Variants in SUGCT observed in about 807,000 individuals in gnomAD.
SUGCT encodes succinyl-CoA:glutarate-CoA transferase.
A neutral mutation model predicts 55.0 loss-of-function variants in SUGCT; 41 were observed. The ratio of observed to expected loss-of-function variants is 0.74; its 90% CI spans 0.58 to 0.97. The LOEUF is 0.97. Among genes scored for constraint, SUGCT ranks in the 50% least tolerant of loss-of-function variants. The pLI is 0.00. For missense variants in SUGCT, 568 were observed against 547.8 expected, an observed-to-expected ratio of 1.04 and a Z score of -0.37; for synonymous variants, 187 against 200.4, an observed-to-expected ratio of 0.93 and a Z score of 0.56.
chr7:40,455,319 G>A (rs747438216), intron 10 of SUGCT, among the ~76,000 whole-genome samples: 17 of 151,990 alleles, frequency 1.1e-4, no homozygotes, highest in Non-Finnish European at 1.9e-4. Flanking sequence ...ACAGAAAAAA[G>A]AATAAACTGA....
At chr7:40,412,961 T>G (rs1786775323) in intron 9 of SUGCT, among the ~76,000 whole-genome samples, 1 of 152,154 alleles carries the variant, frequency 6.6e-6, no homozygotes, top group Non-Finnish European at 1.5e-5. Flanking sequence ...TTTATTCCAT[T>G]TTGTAGGGCA....
chr7:40,185,428 G>A (rs1338905321), intron 3 of SUGCT, among the ~76,000 whole-genome samples: 1 of 152,066 alleles, frequency 6.6e-6, no homozygotes, highest in Non-Finnish European at 1.5e-5. Flanking sequence ...TTCCACCATG[G>A]AAACTAAACC....
At chr7:40,657,351 T>C (rs1270504162) in intron 12 of SUGCT, among the ~76,000 whole-genome samples, 2 of 152,178 alleles carry the variant, frequency 1.3e-5, no homozygotes, top group Non-Finnish European at 2.9e-5. Context: ...ATATCTGTGC[T>C]GTATTTGAGA....
At chr7:40,983,682 C>T in the SUGCT span, among the ~76,000 whole-genome samples, 10 of 152,180 alleles carry the variant, frequency 6.6e-5, no homozygotes, top group Non-Finnish European at 1.0e-4. Context: ...GTAAACAGTG[C>T]GGTTTATCCA....
rs35170797 is a variant in SUGCT, at chr7:40,517,226, A to AT, written c.1089+20853dup. Among the ~76,000 whole-genome samples the AT allele has an allele frequency of 1.7e-3, 232 of 136,210 alleles. 1 individual carries two copies. Among genetic ancestry groups the AT allele is most frequent in the Middle Eastern group, 4.0e-3 (1 of 250 alleles). 89.4% of individuals were successfully genotyped at this position (136,210 alleles called of 152,430 possible). A position where few individuals can be genotyped will look rare whatever the true frequency, so the allele number is the denominator to read the frequency against. ...AAACTCACTTATTAGTTCCAGTAGC[A>AT]TTTTTTTTTTTTTCGATGTGAATTC... On this transcript the variant is annotated intron_variant, in intron 12 of 13. Coordinates refer to ENST00000335693, the MANE Select transcript of SUGCT (RefSeq NM_001193313.2).
the SUGCT span, among the ~76,000 whole-genome samples, chr7:40,881,614 T>C: frequency 3.9e-5 from 6 of 152,222 alleles, no homozygotes; most frequent in African/African-American, 1.4e-4. Context: ...TTAAGCCCTT[T>C]CTTAACATGA....
At position 40,321,285 on chromosome 7, in the gene SUGCT, C is replaced by A. The variant is rs1454606817; in HGVS notation, c.816+4430C>A. On this transcript the variant is annotated intron_variant, in intron 9 of 13. Coordinates refer to ENST00000335693, the MANE Select transcript of SUGCT (RefSeq NM_001193313.2). ...AGAGACAGGGTTTTGCCATGCTGGC[C>A]AGGCTGGTCTCAGACTCCTGACCTC... Among the ~76,000 whole-genome samples the A allele has an allele frequency of 2.0e-5, 3 of 152,246 alleles. No individual in the cohort carries two copies. In the East Asian group the frequency reaches 5.8e-4, roughly 29 times the overall value.
chr7:40,745,208 A>G (rs779227063), intron 12 of SUGCT, among the ~76,000 whole-genome samples: 33 of 152,220 alleles, frequency 2.2e-4, no homozygotes, highest in Non-Finnish European at 3.4e-4. Context: ...TTTGATTTTG[A>G]TATGTGTAAG....
chr7:40,516,028 TTTTCA>T (rs1223147785), intron 12 of SUGCT, among the ~76,000 whole-genome samples: 1 of 152,324 alleles, frequency 6.6e-6, no homozygotes, highest in African/African-American at 2.4e-5. Context: ...TTCTTTCTTC[TTTTCA>T]TTTCTTTTTA....
intron 8 of SUGCT, among the ~76,000 whole-genome samples, chr7:40,293,763 A>G (rs1793940893): frequency 6.6e-6 from 1 of 152,180 alleles, no homozygotes; most frequent in South Asian, 2.1e-4. Flanking sequence ...CACTAATACT[A>G]TCATTTGATA....
chr7:40,650,124 G>T (rs1800704180), intron 12 of SUGCT, among the ~76,000 whole-genome samples: 1 of 152,286 alleles, frequency 6.6e-6, no homozygotes, highest in East Asian at 1.9e-4. Flanking sequence ...TTCTGCACAG[G>T]CTCTTGGATG....
the SUGCT span, among the ~76,000 whole-genome samples, chr7:40,931,530 C>T: frequency 4.6e-5 from 7 of 152,216 alleles, no homozygotes; most frequent in Middle Eastern, 3.4e-3. Context: ...TGCTAGAATT[C>T]GGCTGTAAAT....
chr7:40,783,087 G>A (rs1366670183), intron 13 of SUGCT, among the ~76,000 whole-genome samples: 3 of 152,098 alleles, frequency 2.0e-5, no homozygotes, highest in Admixed American at 2.0e-4. Flanking sequence ...TTGAGCATAA[G>A]CTTCTTCCTG....
chr7:40,459,036 A>C, intron 10 of SUGCT, 65 bp from the exon 11 acceptor site: 1 of 1,004,568 alleles, frequency 1.0e-6, no homozygotes, highest in South Asian at 1.3e-5. Context: ...CCTGAACACT[A>C]GCACCCACAG....
At chr7:40,946,071 A>T in the SUGCT span, among the ~76,000 whole-genome samples, 16 of 150,970 alleles carry the variant, frequency 1.1e-4, no homozygotes, top group South Asian at 3.4e-3. Flanking sequence ...AGCCAGGATG[A>T]TGCACGCGAT....
intron 13 of SUGCT, among the ~76,000 whole-genome samples, chr7:40,842,782 AT>A (rs1341902703): frequency 6.6e-6 from 1 of 152,204 alleles, no homozygotes; most frequent in Non-Finnish European, 1.5e-5. Context: ...TTTTTGGAAT[AT>A]TGCAGGGCCT....
chr7:40,914,393 G>A, the SUGCT span, among the ~76,000 whole-genome samples: 6 of 151,366 alleles, frequency 4.0e-5, no homozygotes, highest in African/African-American at 1.5e-4. Flanking sequence ...TCGTCATCTA[G>A]CATTAGGTTA....
chr7:40,689,653 A>G (rs1784604778), intron 12 of SUGCT, among the ~76,000 whole-genome samples: 1 of 152,034 alleles, frequency 6.6e-6, no homozygotes, highest in Non-Finnish European at 1.5e-5. Flanking sequence ...AGATGAAACC[A>G]TGGCTAAAGG....
intron 12 of SUGCT, among the ~76,000 whole-genome samples, chr7:40,542,156 G>A (rs2151620872): frequency 6.6e-6 from 1 of 152,326 alleles, no homozygotes; most frequent in East Asian, 1.9e-4. Context: ...AGCACTATGT[G>A]TCAGGCATTG....
Sources: allele counts gnomAD v4.1 joint callset (sites outside exome capture counted in the v4.1 genomes callset), GRCh38; gene constraint gnomAD v4.1.1; transcripts MANE v1.5; gene names NCBI Gene and HGNC (gene_info 2026-07-23, HGNC 2026-07-21).